The following FOXR2 variants were observed in gnomAD, a reference collection of about 807,000 sequenced individuals.
FOXR2 encodes the protein forkhead box protein R2.
For missense variants in FOXR2, 234 were observed against 227.1 expected (o/e 1.03, Z -0.20); for synonymous variants, 109 against 84.1 (o/e 1.30, Z -1.62).
At position 55,624,883 on chromosome X, in the gene FOXR2, C is replaced by G. The variant is rs2032328973; in HGVS notation, c.*236C>G. 5.6e-6 allele frequency: 2 copies of G among 355,681 alleles called. No individual in the cohort carries two copies. Among genetic ancestry groups the G allele is most frequent in the East Asian group, 4.3e-5 (1 of 23,369 alleles). The allele number at this position is 355,681 out of a possible 1,213,427, so 29.3% of individuals were successfully genotyped here. A position where few individuals can be genotyped will look rare whatever the true frequency, so the allele number is the denominator to read the frequency against. ...AGTGGCTGTTGTTCCAAATTTTGAGCAAAGGAAAAGAAATCCTAGAAACAA... is the reference window on the plus strand; with the variant it reads ...AGTGGCTGTTGTTCCAAATTTTGAGGAAAGGAAAAGAAATCCTAGAAACAA... On this transcript the variant is annotated 3_prime_UTR_variant, in exon 1 of 1. Coordinates refer to ENST00000339140, the MANE Select transcript of FOXR2 (RefSeq NM_198451.4).
rs2032339228 is a variant in FOXR2, at chrX:55,626,072, T to C, written c.*1425T>C. Among the ~76,000 whole-genome samples, 1 of 111,742 alleles carries C rather than the reference T, an allele frequency of 8.9e-6. No individual in the cohort carries two copies. The highest frequency in any genetic ancestry group is 3.3e-5 in the African/African-American group (1 of 30,756). ...TACAAAATTGTATATTTAGGTTAAA[T>C]CACAAAACAACATATGCAAACAGTA... On this transcript the variant is annotated 3_prime_UTR_variant, in exon 1 of 1. Coordinates refer to ENST00000339140, the MANE Select transcript of FOXR2 (RefSeq NM_198451.4).
chrX:55,623,774 G>T lies in FOXR2; in HGVS notation c.63G>T (p.Leu21=). 8.3e-7 allele frequency: 1 copy of T among 1,211,441 alleles called. No homozygotes were observed. The change falls in exon 1 of 1, where the codon CTG becomes CTT. Residue 21 remains leucine, a synonymous_variant. Transcript: ENST00000339140. ...WYSLHGQVPG[L]LDWDMRNELF... ...GTCTCCATGGCCAGGTCCCAGGGCT[G>T]CTGGACTGGGACATGAGGAATGAGT...
At position 55,624,050 on chromosome X, in the gene FOXR2, C is replaced by A; in HGVS notation, c.339C>A (p.Pro113=). Reference sequence around the variant, plus strand: ...CAAACATTTCTCCTTTCCCTCAGCCCCCACAAAAAGACGAAGGGTCTAACT... The same window carrying A: ...CAAACATTTCTCCTTTCCCTCAGCCACCACAAAAAGACGAAGGGTCTAACT... The part of the protein sequence containing the change: ...DLTNISPFPQ[P]PQKDEGSNCS... Residue 113 remains proline, a synonymous_variant, in exon 1 of 1, where the codon CCC becomes CCA. Coordinates refer to ENST00000339140, the MANE Select transcript of FOXR2 (RefSeq NM_198451.4). The A allele has an allele frequency of 8.3e-7, 1 of 1,211,581 alleles. No individual in the cohort carries two copies. The highest frequency in any genetic ancestry group is 1.1e-6 in the Non-Finnish European group (1 of 895,420).
Position 55,624,117 on chromosome X carries a change from A to G in FOXR2, c.406A>G (p.Ser136Gly), listed in dbSNP as rs1267359778. Residue 136 changes from serine to glycine, a missense_variant, in exon 1 of 1, where the codon AGT becomes GGT. Transcript: ENST00000339140. ...GGTAGAGTCTCTGCCATCTTCCTCC[A>G]GTGAGCAGTCTCCTTTACAGAAGCA... The part of the protein sequence containing the change: ...KVVESLPSSS[S>G]EQSPLQKQGI... 1 of 1,212,143 alleles carries G rather than the reference A, an allele frequency of 8.2e-7. No individual in the cohort carries two copies. The highest frequency in any genetic ancestry group is 1.7e-5 in the African/African-American group (1 of 57,939).
At position 55,624,410 on chromosome X, in the gene FOXR2, G is replaced by A. The variant is rs752501357; in HGVS notation, c.699G>A (p.Pro233=). 20 of 1,210,401 alleles carry A rather than the reference G, an allele frequency of 1.7e-5. No individual in the cohort carries two copies. The highest frequency in any genetic ancestry group is 8.9e-5 in the East Asian group (3 of 33,762). The part of the protein sequence containing the change: ...RQHFPFFWTA[P]DGWKSTIHYN... ...ATTTCCCCTTTTTCTGGACAGCTCC[G>A]GATGGCTGGAAGAGCACCATTCATT... Residue 233 remains proline, a synonymous_variant, in exon 1 of 1, where the codon CCG becomes CCA. Transcript: ENST00000339140.
Position 55,626,083 on chromosome X carries a change from C to A in FOXR2, c.*1436C>A, listed in dbSNP as rs1040628662. Among the ~76,000 whole-genome samples, 2 of 111,599 alleles carry A rather than the reference C, an allele frequency of 1.8e-5. No homozygotes were observed. The highest frequency in any genetic ancestry group is 3.8e-5 in the Non-Finnish European group (2 of 53,110). On this transcript the variant is annotated 3_prime_UTR_variant, in exon 1 of 1. Transcript: ENST00000339140. ...ATATTTAGGTTAAATCACAAAACAA[C>A]ATATGCAAACAGTATTTTTTGAAAA...
rs886585220 is a variant in FOXR2 at position 55,626,039 on chromosome X, A to G, written c.*1392A>G. Among the ~76,000 whole-genome samples, 1 of 112,054 alleles carries G rather than the reference A, an allele frequency of 8.9e-6. No individual in the cohort carries two copies. The highest frequency in any genetic ancestry group is 1.9e-5 in the Non-Finnish European group (1 of 53,218). ...GTTCACATTTTTATAATGATGTATT[A>G]TACCTCATACAAAATTGTATATTTA... On this transcript the variant is annotated 3_prime_UTR_variant, in exon 1 of 1. Coordinates refer to ENST00000339140, the MANE Select transcript of FOXR2 (RefSeq NM_198451.4).
chrX:55,624,464 G>A lies in FOXR2; in HGVS notation c.753G>A (p.Glu251=). The part of the protein sequence containing the change: ...HYNLCFLDSF[E]KVPDSLKDED... ...ACCTCTGCTTCCTGGACAGCTTTGA[G>A]AAGGTGCCAGACAGCCTTAAGGATG... Residue 251 remains glutamate (E), a synonymous_variant, in exon 1 of 1, where the codon GAG becomes GAA. Coordinates refer to ENST00000339140, the MANE Select transcript of FOXR2 (RefSeq NM_198451.4). The A allele has an allele frequency of 9.9e-6, 12 of 1,211,894 alleles. No homozygotes were observed. Among genetic ancestry groups the A allele is most frequent in the Non-Finnish European group, 1.3e-5 (12 of 895,544 alleles).
chrX:55,625,817 T>A lies in FOXR2; in HGVS notation c.*1170T>A. On this transcript the variant is annotated 3_prime_UTR_variant, in exon 1 of 1. Transcript: ENST00000339140. ...GTTTTTCTAATTTCAAAATTATCTT[T>A]AACATCTTTTCTATGCAAATAAACT... Among the ~76,000 whole-genome samples, 1 of 112,107 alleles carries A rather than the reference T, an allele frequency of 8.9e-6. No individual in the cohort carries two copies.
In FOXR2 at chrX:55,624,014, A is replaced by G. The variant is rs1365000010; in HGVS notation, c.303A>G (p.Lys101=). 4.1e-6 allele frequency: 5 copies of G among 1,211,558 alleles called. No homozygotes were observed. In the South Asian group the frequency reaches 8.8e-5, roughly 21 times the overall value. The change falls in exon 1 of 1, where the codon AAA becomes AAG. Residue 101 remains lysine (K), a synonymous_variant. Coordinates refer to ENST00000339140, the MANE Select transcript of FOXR2 (RefSeq NM_198451.4). The part of the protein sequence containing the change: ...GSQEAPKPSG[K]EDLTNISPFP... The stretch of plus-strand genomic sequence containing the variant: ...AGGAGGCCCCAAAGCCCAGTGGAAA[A>G]GAGGATCTGACAAACATTTCTCCTT...
At position 55,624,701 on chromosome X, in the gene FOXR2, C is replaced by G; in HGVS notation, c.*54C>G. The G allele has an allele frequency of 5.3e-6, 5 of 947,791 alleles. No homozygotes were observed. Among genetic ancestry groups the G allele is most frequent in the African/African-American group, 1.9e-5 (1 of 52,523 alleles). 78.1% of individuals were successfully genotyped at this position (947,791 alleles called of 1,213,427 possible). ...CCTTCCTTACTGTGCCTACTTATCC[C>G]CTGACATTCATTAATCTCTAAACTT... On this transcript the variant is annotated 3_prime_UTR_variant, in exon 1 of 1. Transcript: ENST00000339140.
Position 55,624,229 on chromosome X carries a change from A to T in FOXR2, c.518A>T (p.Lys173Ile). Reference sequence around the variant, plus strand: ...AACTCCCTCCAGTCCCCTGAAATGAAATGTTACCAGAGCCAGAAACTATGG... The same window carrying T: ...AACTCCCTCCAGTCCCCTGAAATGATATGTTACCAGAGCCAGAAACTATGG... ...DDNSLQSPEM[K>I]CYQSQKLWQI... The change falls in exon 1 of 1, where the codon AAA becomes ATA. Residue 173 changes from lysine to isoleucine, a missense_variant. Coordinates refer to ENST00000339140, the MANE Select transcript of FOXR2 (RefSeq NM_198451.4). 3 of 1,211,818 alleles carry T rather than the reference A, an allele frequency of 2.5e-6. No homozygotes were observed. The Admixed American group carries it at 6.5e-5, about 26-fold the overall frequency.
In FOXR2 at chrX:55,624,432, C is replaced by G; in HGVS notation, c.721C>G (p.His241Asp). 8.3e-7 allele frequency: 1 copy of G among 1,211,897 alleles called. No homozygotes were observed. The highest frequency in any genetic ancestry group is 1.8e-5 in the South Asian group (1 of 57,026). Residue 241 changes from histidine to aspartate, a missense_variant, in exon 1 of 1, where the codon CAT becomes GAT. His to Asp is a moderately conservative substitution (Grantham distance 81). Coordinates refer to ENST00000339140, the MANE Select transcript of FOXR2 (RefSeq NM_198451.4). The part of the protein sequence containing the change: ...TAPDGWKSTI[H>D]YNLCFLDSFE... ...TCCGGATGGCTGGAAGAGCACCATT[C>G]ATTACAACCTCTGCTTCCTGGACAG...
In FOXR2 at chrX:55,625,370, G is replaced by T; in HGVS notation, c.*723G>T. 8.3e-6 allele frequency: 1 copy of T among 120,326 alleles called. No homozygotes were observed. The allele number at this position is 120,326 out of a possible 1,213,427, so 9.9% of individuals were successfully genotyped here. A position where few individuals can be genotyped will look rare whatever the true frequency, so the allele number is the denominator to read the frequency against. ...TATTGAGGATATGCTAATGTGTCAA[G>T]GTCCATCTTAGATGCTGAGGATAAA... On this transcript the variant is annotated 3_prime_UTR_variant, in exon 1 of 1. Coordinates refer to ENST00000339140, the MANE Select transcript of FOXR2 (RefSeq NM_198451.4).
Position 55,623,622 on chromosome X carries a change from A to G in FOXR2, c.-90A>G. 1 of 659,304 alleles carries G rather than the reference A, an allele frequency of 1.5e-6. No homozygotes were observed. Among genetic ancestry groups the G allele is most frequent in the Non-Finnish European group, 2.3e-6 (1 of 426,935 alleles). 54.3% of individuals were successfully genotyped at this position (659,304 alleles called of 1,213,427 possible). A position where few individuals can be genotyped will look rare whatever the true frequency, so the allele number is the denominator to read the frequency against. ...AAGCTCCCTAGATGAGATACACTGCATAAAAAAATGATGCCCAAAGGACAG... is the reference window on the plus strand; with the variant it reads ...AAGCTCCCTAGATGAGATACACTGCGTAAAAAAATGATGCCCAAAGGACAG... On this transcript the variant is annotated 5_prime_UTR_variant, in exon 1 of 1. Coordinates refer to ENST00000339140, the MANE Select transcript of FOXR2 (RefSeq NM_198451.4).
At position 55,623,592 on chromosome X, in the gene FOXR2, C is replaced by A; in HGVS notation, c.-120C>A. ...TTCTTCAGTGCTTCTAGCAGGCCTACTGATAAGCTCCCTAGATGAGATACA... is the reference window on the plus strand; with the variant it reads ...TTCTTCAGTGCTTCTAGCAGGCCTAATGATAAGCTCCCTAGATGAGATACA... On this transcript the variant is annotated 5_prime_UTR_variant, in exon 1 of 1. In the 5' UTR this introduces an upstream ATG that the reference lacks. Transcript: ENST00000339140. The A allele has an allele frequency of 2.1e-6, 1 of 485,324 alleles. No individual in the cohort carries two copies. The highest frequency in any genetic ancestry group is 3.4e-6 in the Non-Finnish European group (1 of 291,074). The allele number at this position is 485,324 out of a possible 1,213,427, so 40.0% of individuals were successfully genotyped here. A position where few individuals can be genotyped will look rare whatever the true frequency, so the allele number is the denominator to read the frequency against.
chrX:55,624,547 G>T lies in FOXR2; in HGVS notation c.836G>T (p.Arg279Leu), dbSNP rs753191601. Reference sequence around the variant, plus strand: ...AAGCTCACTAAGGAGGGGCACCGCCGCTTTTGGGAGGAGACTCGTGTCTTA... The same window carrying T: ...AAGCTCACTAAGGAGGGGCACCGCCTCTTTTGGGAGGAGACTCGTGTCTTA... ...LWKLTKEGHR[R>L]FWEETRVLAF... The change falls in exon 1 of 1, where the codon CGC becomes CTC. Residue 279 changes from arginine to leucine, a missense_variant. Coordinates refer to ENST00000339140, the MANE Select transcript of FOXR2 (RefSeq NM_198451.4). 8.3e-7 allele frequency: 1 copy of T among 1,211,258 alleles called. No individual in the cohort carries two copies. The highest frequency in any genetic ancestry group is 1.1e-6 in the Non-Finnish European group (1 of 894,767).
chrX:55,623,545 T>C lies in FOXR2; in HGVS notation c.-167T>C. On this transcript the variant is annotated 5_prime_UTR_variant, in exon 1 of 1. Transcript: ENST00000339140. ...AGGTTTCTCCAGGTCTGACCACTAATCAGTGAGACATTGGTGCCTCTTTCT... is the reference window on the plus strand; with the variant it reads ...AGGTTTCTCCAGGTCTGACCACTAACCAGTGAGACATTGGTGCCTCTTTCT... The C allele has an allele frequency of 5.2e-6, 2 of 385,216 alleles. No homozygotes were observed. Among genetic ancestry groups the C allele is most frequent in the Non-Finnish European group, 9.1e-6 (2 of 220,795 alleles). The allele number at this position is 385,216 out of a possible 1,213,427, so 31.7% of individuals were successfully genotyped here.
At position 55,623,717 on chromosome X, in the gene FOXR2, C is replaced by T. The variant is rs767352081; in HGVS notation, c.6C>T (p.Asp2=). ...CACCTATCTCTCCAGTAAAGATGGA[C>T]TTAAAACTAAAAGACTGTGAATTTT... M[D]LKLKDCEFWY... The change falls in exon 1 of 1, where the codon GAC becomes GAT. Residue 2 remains aspartate, a synonymous_variant. Coordinates refer to ENST00000339140, the MANE Select transcript of FOXR2 (RefSeq NM_198451.4). The T allele has an allele frequency of 1.7e-6, 2 of 1,198,936 alleles. No homozygotes were observed. The highest frequency in any genetic ancestry group is 3.6e-5 in the South Asian group (2 of 55,860).
Sources: allele counts gnomAD v4.1 joint callset (sites outside exome capture counted in the v4.1 genomes callset), GRCh38; gene constraint gnomAD v4.1.1; transcripts MANE v1.5; gene names NCBI Gene and HGNC (gene_info 2026-07-23, HGNC 2026-07-21).